Variants in LAMA3 observed in about 807,000 individuals in gnomAD.
LAMA3 encodes laminin subunit alpha-3.
A neutral mutation model predicts 402.0 loss-of-function variants in LAMA3; 281 were observed. The observed-to-expected ratio is 0.70, with a 90% CI of 0.63 to 0.77. The LOEUF (loss-of-function observed/expected upper bound fraction) is 0.77. Ranked by LOEUF, LAMA3 falls within the 30% of genes least tolerant of loss-of-function variation. The pLI, the probability that LAMA3 is intolerant of heterozygous loss-of-function variation, is 0.00. For missense variants in LAMA3, 3,840 were observed against 4,215.5 expected (o/e 0.91, Z 2.47); for synonymous variants, 1,431 against 1,558.4 (o/e 0.92, Z 1.93).
At chr18:23,768,889 G>A (rs986219541) in intron 8 of LAMA3, among the ~76,000 whole-genome samples, 97 of 152,192 alleles carry the variant, frequency 6.4e-4, no homozygotes, top group Non-Finnish European at 1.6e-4. Context: ...ATGCAAAACC[G>A]GAAAACCAAA....
At chr18:23,944,949 A>C (rs1223682076) in intron 69 of LAMA3, among the ~76,000 whole-genome samples, 2 of 152,202 alleles carry the variant, frequency 1.3e-5, no homozygotes, top group Admixed American at 1.3e-4. Context: ...CCCGACCAAC[A>C]TGGTGAAACC....
rs1383006206 is a variant in LAMA3, at chr18:23,946,208, G to T, written c.9275G>T (p.Gly3092Val). The T allele has an allele frequency of 1.2e-6, 2 of 1,614,138 alleles. No homozygotes were observed. ...LVVDGLRARE[G>V]SLPGNSTISI... ...GTGGATGGACTGAGGGCCCGGGAGG[G>T]AAGTTTGCCTGGAAACTCCACCATC... The change falls in exon 70 of 75, where the codon GGA becomes GTA. Residue 3092 changes from glycine to valine, a missense_variant. By Grantham distance (109) the Gly-to-Val change is moderately radical (BLOSUM62 -3). Around this residue, in one of 3 missense-constraint regions of LAMA3, gnomAD observed 840 missense variants for 981.9 expected, o/e 0.86. Transcript: ENST00000313654.
chr18:23,810,892 G>A (rs559223440), intron 13 of LAMA3, among the ~76,000 whole-genome samples: 1 of 152,242 alleles, frequency 6.6e-6, no homozygotes, highest in Admixed American at 6.5e-5. Flanking sequence ...AGCTTGTGGT[G>A]CTAATGCTGG....
At chr18:23,804,859 G>C (rs1020394227) in intron 12 of LAMA3, among the ~76,000 whole-genome samples, 2 of 152,124 alleles carry the variant, frequency 1.3e-5, no homozygotes, top group Admixed American at 1.3e-4. Flanking sequence ...CCTTGCTTCT[G>C]TTCTTGCTAT....
chr18:23,857,209 C>A (rs941502952), intron 32 of LAMA3, among the ~76,000 whole-genome samples: 2 of 152,204 alleles, frequency 1.3e-5, no homozygotes, highest in Admixed American at 6.5e-5. Context: ...AGAACTGCAG[C>A]CTTGCATGCA....
intron 39 of LAMA3, among the ~76,000 whole-genome samples, chr18:23,876,838 G>A (rs976344847): frequency 6.6e-6 from 1 of 152,158 alleles, no homozygotes; most frequent in South Asian, 2.1e-4. Flanking sequence ...GGGATTTGAG[G>A]AGGGCTCAAG....
chr18:23,813,553 C>CTTTTTTTTTTTTTTTTTTT (rs1164123647), intron 14 of LAMA3, among the ~76,000 whole-genome samples: 66 of 115,012 alleles, frequency 5.7e-4, no homozygotes, highest in African/African-American at 8.3e-4. Context: ...TCTTTTCTTT[C>CTTTTTTTTTTTTTTTTTTT]TTTTTTTTTT....
chr18:23,942,595 T>C (rs2082563790), intron 68 of LAMA3, among the ~76,000 whole-genome samples: 2 of 151,962 alleles, frequency 1.3e-5, no homozygotes, highest in Non-Finnish European at 2.9e-5. Flanking sequence ...TTTTTTTTTT[T>C]TTTAGACAGA....
At position 23,857,984 on chromosome 18, in the gene LAMA3, G is replaced by T; in HGVS notation, c.4277G>T (p.Cys1426Phe). The T allele has an allele frequency of 6.2e-7, 1 of 1,614,152 alleles. No homozygotes were observed. The highest frequency in any genetic ancestry group is 8.5e-7 in the Non-Finnish European group (1 of 1,180,016). Residue 1426 changes from cysteine to phenylalanine, a missense_variant, in exon 33 of 75, where the codon TGC becomes TTC. Physicochemically the swap from Cys to Phe is radical, Grantham distance 205. This residue lies in a region of LAMA3 where 2,109 missense variants were observed against 2,376.0 expected (regional missense o/e 0.89). Coordinates refer to ENST00000313654, the MANE Select transcript of LAMA3 (RefSeq NM_198129.4). The stretch of plus-strand genomic sequence containing the variant: ...GACCCAGGGACCGGGGCTTGCCTCT[G>T]CAAGGTAAGAGAGATCGTGCAATGC... The part of the protein sequence containing the change: ...VCDPGTGACL[C>F]KENVEGTECN...
chr18:23,830,660 C>T (rs2063474533), intron 23 of LAMA3, among the ~76,000 whole-genome samples: 1 of 152,154 alleles, frequency 6.6e-6, no homozygotes, highest in Admixed American at 6.5e-5. Flanking sequence ...TCTCTTTCTG[C>T]CTCTCTCACC....
chr18:23,897,453 A>G (rs1183538751), intron 44 of LAMA3, among the ~76,000 whole-genome samples: 2 of 152,226 alleles, frequency 1.3e-5, no homozygotes, highest in South Asian at 2.1e-4. Context: ...TTTCATCAAC[A>G]TGGCCCTGCA....
chr18:23,777,410 T>C (rs540653497), intron 10 of LAMA3, 147 bp from the exon 11 acceptor site: 5 of 653,074 alleles, frequency 7.7e-6, no homozygotes, highest in African/African-American at 5.4e-5. Context: ...ATTTGAGATA[T>C]AGCAATATCG....
chr18:23,753,883 T>C, intron 6 of LAMA3, 71 bp downstream of exon 6: 1 of 1,008,014 alleles, frequency 9.9e-7, no homozygotes, highest in Non-Finnish European at 1.6e-6. Context: ...GATGTTTGCA[T>C]CCCGTTAAAT....
At chr18:23,904,768 CT>C in intron 51 of LAMA3, 74 bp downstream of exon 51, 2 of 1,454,998 alleles carry the variant, frequency 1.4e-6, no homozygotes, top group Non-Finnish European at 1.9e-6. Context: ...TTTCCGTGGG[CT>C]CCAAGGAATA....
chr18:23,907,706 T>A (rs772652997), intron 53 of LAMA3, 40 bp downstream of exon 53: 2 of 1,613,006 alleles, frequency 1.2e-6, no homozygotes, highest in East Asian at 2.2e-5. Context: ...GTTGGCTTCT[T>A]TTGTTGAACG....
chr18:23,746,933 T>G (rs1236868820), intron 2 of LAMA3, among the ~76,000 whole-genome samples: 4 of 150,806 alleles, frequency 2.7e-5, no homozygotes, highest in African/African-American at 7.3e-5. Context: ...AATATTAAGA[T>G]GAAACTCATT....
chr18:23,908,631 T>C (rs767187643), intron 54 of LAMA3, among the ~76,000 whole-genome samples: 11 of 151,356 alleles, frequency 7.3e-5, no homozygotes. Flanking sequence ...AAGGATTTGG[T>C]ACCTAGATTG....
chr18:23,907,551 A>C lies in LAMA3; in HGVS notation c.6720A>C (p.Glu2240Asp). ...TCCTGATGCTTTATTTTATTTTAGA[A>C]GTCAGTCCAGCTCTCAACAACCTAC... is the stretch of plus-strand genomic sequence containing the variant. ...AKMTQKKLKQ[E>D]VSPALNNLQQ... Residue 2240 changes from glutamate (E) to aspartate (D), a missense_variant and splice_region_variant, in exon 53 of 75, where the codon GAA becomes GAC. Physicochemically the swap from Glu to Asp is conservative, Grantham distance 45. Transcript: ENST00000313654. 2 of 1,605,148 alleles carry C rather than the reference A, an allele frequency of 1.2e-6. No homozygotes were observed. The highest frequency in any genetic ancestry group is 1.7e-6 in the Non-Finnish European group (2 of 1,171,938).
At chr18:23,947,281 T>C (rs1294079733) in intron 70 of LAMA3, among the ~76,000 whole-genome samples, 2 of 152,162 alleles carry the variant, frequency 1.3e-5, no homozygotes, top group African/African-American at 4.8e-5. Flanking sequence ...GTCTTTCTTG[T>C]CTCAGATTTG....
Sources: allele counts gnomAD v4.1 joint callset (sites outside exome capture counted in the v4.1 genomes callset), GRCh38; gene constraint gnomAD v4.1.1; regional missense constraint gnomAD v4.1.1; transcripts MANE v1.5; gene names NCBI Gene and HGNC (gene_info 2026-07-23, HGNC 2026-07-21).